NDUFS4: variants seen among roughly 807,000 people sequenced by gnomAD.
NDUFS4 encodes NADH:ubiquinone oxidoreductase subunit S4, also known as NADH dehydrogenase [ubiquinone] iron-sulfur protein 4, mitochondrial.
In NDUFS4, 28 loss-of-function variants were observed where a neutral mutation model predicts 24.3. The observed-to-expected ratio is 1.15, with a 90% confidence interval of 0.85 to 1.58. The LOEUF is 1.58. NDUFS4 is among the 40% of genes most tolerant of loss of function. The pLI, the probability that NDUFS4 is intolerant of heterozygous loss-of-function variation, is 0.00. For missense variants in NDUFS4, 223 were observed against 207.9 expected (o/e 1.07, Z -0.45); for synonymous variants, 93 against 69.7 (o/e 1.34, Z -1.67).
intron 4 of NDUFS4, among the ~76,000 whole-genome samples, chr5:53,674,241 A>G (rs77461703): frequency 0.012 from 1,903 of 152,328 alleles, 37 homozygotes; most frequent in African/African-American, 0.044. Flanking sequence ...GTAATAAGCT[A>G]GAGAGAACTT....
chr5:53,658,794 A>AAAC lies in NDUFS4; in HGVS notation c.424+172_424+173insCAA. On this transcript the variant is annotated intron_variant, in intron 4 of 4. Transcript: ENST00000296684. ...CAGAACACCCACCTCCAAAAAAAAAAAAAAAAAAAACCTAAATTGGAATGC... is the reference window on the plus strand; with the variant it reads ...CAGAACACCCACCTCCAAAAAAAAAAAACAAAAAAAAAACCTAAATTGGAATGC... The AAAC allele has an allele frequency of 1.2e-5, 7 of 590,192 alleles. No individual in the cohort carries two copies. In the South Asian group the frequency reaches 1.6e-4, roughly 13 times the overall value. 36.6% of individuals were successfully genotyped at this position (590,192 alleles called of 1,614,324 possible). A position where few individuals can be genotyped will look rare whatever the true frequency, so the allele number is the denominator to read the frequency against.
intron 1 of NDUFS4, among the ~76,000 whole-genome samples, chr5:53,601,289 C>T (rs556508306): frequency 2.6e-5 from 4 of 152,222 alleles, no homozygotes; most frequent in South Asian, 2.1e-4. Context: ...AGGCATGAGC[C>T]ACCGCGCCCG....
intron 2 of NDUFS4, among the ~76,000 whole-genome samples, chr5:53,607,801 G>T (rs1157402916): frequency 2.6e-5 from 4 of 152,098 alleles, no homozygotes; most frequent in Admixed American, 2.6e-4. Flanking sequence ...CACCAAAACA[G>T]TTTGAATGCA....
At chr5:53,648,062 A>G (rs1427577631) in intron 3 of NDUFS4, among the ~76,000 whole-genome samples, 1 of 152,218 alleles carries the variant, frequency 6.6e-6, no homozygotes, top group East Asian at 1.9e-4. Flanking sequence ...AGTGTGTTAT[A>G]AAATTAAGAG....
chr5:53,628,453 A>G (rs918356118), intron 2 of NDUFS4, among the ~76,000 whole-genome samples: 2 of 152,146 alleles, frequency 1.3e-5, no homozygotes, highest in Non-Finnish European at 2.9e-5. Flanking sequence ...TTCAGAAGGA[A>G]TGGTATGAGC....
intron 1 of NDUFS4, among the ~76,000 whole-genome samples, chr5:53,599,155 A>G (rs1006398846): frequency 6.6e-6 from 1 of 152,164 alleles, no homozygotes; most frequent in African/African-American, 2.4e-5. Context: ...TACTGGGTAC[A>G]TTGCCCAGTA....
At chr5:53,606,516 G>C (rs1025265007) in intron 2 of NDUFS4, among the ~76,000 whole-genome samples, 2 of 152,024 alleles carry the variant, frequency 1.3e-5, no homozygotes, top group African/African-American at 4.8e-5. Flanking sequence ...ACAGGTGCCC[G>C]CCACCACGCC....
At position 53,605,288 on chromosome 5, in the gene NDUFS4, G is replaced by A. The variant is rs552655306; in HGVS notation, c.177+1758G>A. Among the ~76,000 whole-genome samples, 7 of 152,304 alleles carry A rather than the reference G, an allele frequency of 4.6e-5. No individual in the cohort carries two copies. The South Asian group carries it at 1.5e-3, about 32-fold the overall frequency. ...AGTGAGGATGATTTTCACATCCTGT[G>A]TGTTCATTAATGAGAGCACTATTAT... On this transcript the variant is annotated intron_variant, in intron 2 of 4. Coordinates refer to ENST00000296684, the MANE Select transcript of NDUFS4 (RefSeq NM_002495.4).
At chr5:53,665,355 TCAGA>T (rs1203375632) in intron 4 of NDUFS4, among the ~76,000 whole-genome samples, 2 of 152,216 alleles carry the variant, frequency 1.3e-5, no homozygotes, top group African/African-American at 4.8e-5. Context: ...TTCAAAGCTG[TCAGA>T]CAGGGACATT....
At chr5:53,638,671 A>G (rs544036400) in intron 2 of NDUFS4, among the ~76,000 whole-genome samples, 15 of 152,216 alleles carry the variant, frequency 9.9e-5, no homozygotes, top group Admixed American at 6.5e-4. Flanking sequence ...CTATATAACA[A>G]ACTTGCACTT....
At position 53,683,124 on chromosome 5, in the gene NDUFS4, G is replaced by C. The variant is rs757622265; in HGVS notation, c.431G>C (p.Ser144Thr). 1.9e-6 allele frequency: 3 copies of C among 1,596,044 alleles called. No homozygotes were observed. In the South Asian group the frequency reaches 3.3e-5, roughly 18 times the overall value. ...CTTTGTTTTTTCCTCCTAGGATGGA[G>C]CTATGACATTGAAGAGAGGAAGGTT... The part of the protein sequence containing the change: ...AVSFAEKNGW[S>T]YDIEERKVPK... The change falls in exon 5 of 5, where the codon AGC becomes ACC. Residue 144 changes from serine to threonine, a missense_variant. By Grantham distance (58) the Ser-to-Thr change is moderately conservative. Coordinates refer to ENST00000296684, the MANE Select transcript of NDUFS4 (RefSeq NM_002495.4).
Position 53,683,190 on chromosome 5 carries a change from G to T in NDUFS4, c.497G>T (p.Trp166Leu). Reference protein sequence around the residue: ...KSKSYGANFSWNKRTRVSTK With the variant: ...KSKSYGANFSLNKRTRVSTK ...AAGTCTTATGGTGCAAACTTTTCTT[G>T]GAACAAAAGAACAAGAGTATCCACA... is the stretch of plus-strand genomic sequence containing the variant. Residue 166 changes from tryptophan to leucine, a missense_variant, in exon 5 of 5, where the codon TGG becomes TTG. By Grantham distance (61) the Trp-to-Leu change is moderately conservative. Transcript: ENST00000296684. The T allele has an allele frequency of 6.2e-7, 1 of 1,611,548 alleles. No homozygotes were observed. Among genetic ancestry groups the T allele is most frequent in the Non-Finnish European group, 8.5e-7 (1 of 1,178,094 alleles).
At chr5:53,633,424 A>G (rs190204613) in intron 2 of NDUFS4, among the ~76,000 whole-genome samples, 8 of 152,296 alleles carry the variant, frequency 5.3e-5, no homozygotes, top group Admixed American at 4.6e-4. Flanking sequence ...TGCCTTACCT[A>G]TACATTGAGG....
At chr5:53,632,129 G>A in intron 2 of NDUFS4, among the ~76,000 whole-genome samples, 1 of 152,188 alleles carries the variant, frequency 6.6e-6, no homozygotes, top group East Asian at 1.9e-4. Flanking sequence ...CTTGCTGGGA[G>A]CTGCAGACCA....
At chr5:53,594,019 T>C (rs972629372) in intron 1 of NDUFS4, among the ~76,000 whole-genome samples, 1 of 152,174 alleles carries the variant, frequency 6.6e-6, no homozygotes, top group Non-Finnish European at 1.5e-5. Context: ...TCTTTTGCCA[T>C]TGTTAGATAA....
rs1015079305 is a variant in NDUFS4, at chr5:53,564,925, T to A, written c.98+4165T>A. Among the ~76,000 whole-genome samples, 5 of 152,228 alleles carry A rather than the reference T, an allele frequency of 3.3e-5. No homozygotes were observed. The East Asian group carries it at 5.8e-4, about 18-fold the overall frequency. On this transcript the variant is annotated intron_variant, in intron 1 of 4. Transcript: ENST00000296684. ...TATTGGTTTGAATGGCCTGAATGTT[T>A]TTCATTTCTTTAATCTTGGTTGTAA...
chr5:53,635,121 C>T (rs1751510663), intron 2 of NDUFS4, among the ~76,000 whole-genome samples: 1 of 151,914 alleles, frequency 6.6e-6, no homozygotes, highest in Non-Finnish European at 1.5e-5. Flanking sequence ...AGCCAGGAGG[C>T]GGTGGTTGCA....
At chr5:53,634,988 G>C (rs1225485399) in intron 2 of NDUFS4, among the ~76,000 whole-genome samples, 3 of 151,862 alleles carry the variant, frequency 2.0e-5, no homozygotes, top group Non-Finnish European at 2.9e-5. Context: ...TCAAGCGTTC[G>C]AGACCAGCCT....
At chr5:53,573,651 C>T (rs1290379566) in intron 1 of NDUFS4, 3 of 442,880 alleles carry the variant, frequency 6.8e-6, no homozygotes, top group Non-Finnish European at 1.4e-5. Flanking sequence ...TGCAGTGGTG[C>T]AATCATAGCT....
Sources: gnomAD v4.1 joint callset for allele counts (sites outside exome capture counted in the v4.1 genomes callset) on GRCh38, gnomAD v4.1.1 for gene constraint, MANE v1.5 for transcripts, NCBI Gene and HGNC (gene_info 2026-07-23, HGNC 2026-07-21) for gene names.